Variants in IFNAR1 observed in about 807,000 individuals in gnomAD.
IFNAR1 encodes interferon alpha and beta receptor subunit 1, also known as interferon alpha/beta receptor 1.
In IFNAR1, 47 loss-of-function variants were observed where a neutral mutation model predicts 62.1. The ratio of observed to expected loss-of-function variants is 0.76; its 90% confidence interval spans 0.60 to 0.97. IFNAR1 has a LOEUF of 0.97. Ranked by LOEUF, IFNAR1 falls within the 50% of genes least tolerant of loss-of-function variation. IFNAR1 has a pLI of 0.00. For synonymous variants in IFNAR1, 219 were observed against 226.9 expected (o/e 0.97, Z 0.31); for missense variants, 638 against 654.5 (o/e 0.97, Z 0.27).
chr21:33,340,384 C>G (rs899481920), intron 2 of IFNAR1, among the ~76,000 whole-genome samples: 1 of 152,078 alleles, frequency 6.6e-6, no homozygotes, highest in South Asian at 2.1e-4. Context: ...CAGGGTCTTG[C>G]TCGGTTGCTG....
chr21:33,343,244 G>T, intron 3 of IFNAR1, 24 bp from the exon 4 acceptor site: 3 of 1,604,584 alleles, frequency 1.9e-6, no homozygotes, highest in Non-Finnish European at 1.7e-6. Flanking sequence ...AAGTTCCATA[G>T]TAATTGTTTT....
chr21:33,340,294 A>G (rs1318883465), intron 2 of IFNAR1, among the ~76,000 whole-genome samples: 1 of 152,072 alleles, frequency 6.6e-6, no homozygotes, highest in East Asian at 1.9e-4. Flanking sequence ...AGGGAAGGTA[A>G]GTCTATTCAT....
chr21:33,343,456 TGA>T, intron 4 of IFNAR1, 34 bp downstream of exon 4: 1 of 1,589,692 alleles, frequency 6.3e-7, no homozygotes, highest in East Asian at 2.2e-5. Context: ...TTAATCGATG[TGA>T]GAGAAAAATT....
At chr21:33,350,573 A>G (rs888628112) in intron 8 of IFNAR1, among the ~76,000 whole-genome samples, 3 of 152,216 alleles carry the variant, frequency 2.0e-5, no homozygotes, top group Admixed American at 1.3e-4. Flanking sequence ...TACCACTGAC[A>G]AAGATAATAT....
chr21:33,353,821 T>G (rs2856973), intron 10 of IFNAR1, 38 bp downstream of exon 10: 1 of 1,353,284 alleles, frequency 7.4e-7, no homozygotes, highest in African/African-American at 1.5e-5. Context: ...AACAGCTAGG[T>G]AATGAACAGA....
chr21:33,326,212 C>CT lies in IFNAR1; in HGVS notation c.76+1099dup, dbSNP rs3989181. On this transcript the variant is annotated intron_variant, in intron 1 of 10. Coordinates refer to ENST00000270139, the MANE Select transcript of IFNAR1 (RefSeq NM_000629.3). ...ATATGGGAAGACATTTTTATTTATA[C>CT]TTTTTTTTTTTTTTTTTTGAGACAG... is the stretch of plus-strand genomic sequence containing the variant. 8.6e-3 allele frequency among the ~76,000 whole-genome samples: 1,194 copies of CT among 138,326 alleles called. 6 individuals carry two copies. The highest frequency in any genetic ancestry group is 0.014 in the African/African-American group (518 of 36,920). 90.7% of individuals were successfully genotyped at this position (138,326 alleles called of 152,430 possible).
intron 8 of IFNAR1, 27 bp downstream of exon 8, chr21:33,349,570 G>T: frequency 6.9e-7 from 1 of 1,450,540 alleles, no homozygotes; most frequent in Non-Finnish European, 9.4e-7. Flanking sequence ...GTATAATTTT[G>T]TAACTTAGAG....
chr21:33,358,464 A>G lies in IFNAR1; in HGVS notation c.*2915A>G, dbSNP rs2083469920. 6.6e-6 allele frequency: 1 copy of G among 152,060 alleles called. No homozygotes were observed. Among genetic ancestry groups the G allele is most frequent in the Non-Finnish European group, 1.5e-5 (1 of 68,008 alleles). 9.4% of individuals were successfully genotyped at this position (152,060 alleles called of 1,614,324 possible). A position where few individuals can be genotyped will look rare whatever the true frequency, so the allele number is the denominator to read the frequency against. ...GCCAGAAATAATTTTATATTAATAT[A>G]TAATACAGATTAACATTATATATAA... On this transcript the variant is annotated 3_prime_UTR_variant, in exon 11 of 11. Transcript: ENST00000270139.
chr21:33,335,385 A>C (rs1955886441), intron 1 of IFNAR1, 139 bp from the exon 2 acceptor site: 1 of 481,946 alleles, frequency 2.1e-6, no homozygotes, highest in African/African-American at 2.0e-5. Context: ...AGCAATCATT[A>C]GTTTTTTTAG....
chr21:33,344,765 C>CTTTAT (rs1555875100), intron 5 of IFNAR1, among the ~76,000 whole-genome samples: 9 of 122,026 alleles, frequency 7.4e-5, no homozygotes, highest in South Asian at 2.4e-4. Context: ...TTCTTTTTTA[C>CTTTAT]TTATTTATTT....
At chr21:33,338,546 A>AAAC (rs1167326352) in intron 2 of IFNAR1, among the ~76,000 whole-genome samples, 2 of 148,028 alleles carry the variant, frequency 1.4e-5, no homozygotes, top group African/African-American at 5.1e-5. Flanking sequence ...AAAAAAAAAA[A>AAAC]CCCAACAAAT....
chr21:33,339,048 G>T (rs572902488), intron 2 of IFNAR1, among the ~76,000 whole-genome samples: 1 of 152,090 alleles, frequency 6.6e-6, no homozygotes, highest in East Asian at 1.9e-4. Flanking sequence ...GGCCAATAAT[G>T]ATTTTTTTAA....
At position 33,334,730 on chromosome 21, in the gene IFNAR1, C is replaced by T. The variant is rs549373354; in HGVS notation, c.77-794C>T. 51 of 803,298 alleles carry T rather than the reference C, an allele frequency of 6.3e-5. No homozygotes were observed. In the Middle Eastern group the frequency reaches 1.4e-3, roughly 22 times the overall value. The allele number at this position is 803,298 out of a possible 1,614,324, so 49.8% of individuals were successfully genotyped here. A position where few individuals can be genotyped will look rare whatever the true frequency, so the allele number is the denominator to read the frequency against. On this transcript the variant is annotated intron_variant, in intron 1 of 10. Transcript: ENST00000270139. ...TCCCTGACCCCAGTGTCAAGTGATG[C>T]GCAGGGTGATCCAGGTGTGTGAGGG... is the stretch of plus-strand genomic sequence containing the variant.
chr21:33,339,795 G>A (rs1476957661), intron 2 of IFNAR1, among the ~76,000 whole-genome samples: 1 of 151,888 alleles, frequency 6.6e-6, no homozygotes, highest in African/African-American at 2.4e-5. Context: ...AGACGTGGTG[G>A]CACACGCCTG....
At chr21:33,343,984 C>T (rs935532764) in intron 5 of IFNAR1, among the ~76,000 whole-genome samples, 8 of 152,090 alleles carry the variant, frequency 5.3e-5, no homozygotes, top group African/African-American at 1.4e-4. Context: ...GGGAAAACCC[C>T]GTGTCTACTA....
intron 1 of IFNAR1, among the ~76,000 whole-genome samples, chr21:33,333,219 A>T (rs2123662464): frequency 6.6e-6 from 1 of 152,392 alleles, no homozygotes; most frequent in Middle Eastern, 3.4e-3. Flanking sequence ...ACAGCCAAGA[A>T]TGCTATGCCC....
In IFNAR1 at chr21:33,359,275, A is replaced by G. The variant is rs1229637759; in HGVS notation, c.*3726A>G. The G allele has an allele frequency of 6.6e-6, 1 of 152,192 alleles. No individual in the cohort carries two copies. The highest frequency in any genetic ancestry group is 1.5e-5 in the Non-Finnish European group (1 of 68,034). The allele number at this position is 152,192 out of a possible 1,614,324, so 9.4% of individuals were successfully genotyped here. A position where few individuals can be genotyped will look rare whatever the true frequency, so the allele number is the denominator to read the frequency against. On this transcript the variant is annotated 3_prime_UTR_variant, in exon 11 of 11. Coordinates refer to ENST00000270139, the MANE Select transcript of IFNAR1 (RefSeq NM_000629.3). ...TGTCTTAAACCCTACTGCTGGAAACAATTTTATGTAATAAGCAATGGGCCC... is the reference window on the plus strand; with the variant it reads ...TGTCTTAAACCCTACTGCTGGAAACGATTTTATGTAATAAGCAATGGGCCC...
intron 8 of IFNAR1, among the ~76,000 whole-genome samples, chr21:33,351,991 G>T (rs938242539): frequency 1.3e-5 from 2 of 151,952 alleles, no homozygotes; most frequent in African/African-American, 4.8e-5. Flanking sequence ...CCACCGGCTT[G>T]TTAGACATTA....
chr21:33,329,859 A>G (rs1371822477), intron 1 of IFNAR1, among the ~76,000 whole-genome samples: 1 of 152,208 alleles, frequency 6.6e-6, no homozygotes, highest in Non-Finnish European at 1.5e-5. Context: ...AACACAAAGA[A>G]GCAGTTTTTA....
Sources: gnomAD v4.1 joint callset for allele counts (sites outside exome capture counted in the v4.1 genomes callset) on GRCh38, gnomAD v4.1.1 for gene constraint, MANE v1.5 for transcripts, NCBI Gene and HGNC (gene_info 2026-07-23, HGNC 2026-07-21) for gene names.